The following PTPN1 variants were observed in gnomAD, a reference collection of about 807,000 sequenced individuals.
PTPN1 encodes the protein tyrosine-protein phosphatase non-receptor type 1.
Under a neutral mutation model 59.9 loss-of-function variants are expected in PTPN1, and 12 were observed. That is an observed-to-expected ratio of 0.20 (90% CI 0.13 to 0.32). The LOEUF (loss-of-function observed/expected upper bound fraction) is 0.32. Among genes scored for constraint, PTPN1 ranks in the 10% least tolerant of loss-of-function variants. The pLI, the probability that PTPN1 is intolerant of heterozygous loss-of-function variation, is 1.00. For missense variants in PTPN1, 356 were observed against 549.2 expected, an observed-to-expected ratio of 0.65 and a Z score of 3.52; for synonymous variants, 178 against 203.6, an observed-to-expected ratio of 0.87 and a Z score of 1.07.
intron 1 of PTPN1, among the ~76,000 whole-genome samples, chr20:50,511,019 C>T (rs1196916510): frequency 6.6e-6 from 1 of 152,132 alleles, no homozygotes; most frequent in African/African-American, 2.4e-5. Context: ...GTTACTCCCC[C>T]CGTCCCTCCT....
At chr20:50,525,251 A>G (rs941150597) in intron 1 of PTPN1, among the ~76,000 whole-genome samples, 16 of 152,154 alleles carry the variant, frequency 1.1e-4, no homozygotes, top group East Asian at 9.7e-4. Flanking sequence ...AATAGAGACA[A>G]TGTTTCACCA....
intron 7 of PTPN1, 34 bp from the exon 8 acceptor site, chr20:50,579,669 C>G (rs201840465): frequency 2.1e-4 from 334 of 1,572,496 alleles, no homozygotes; most frequent in Non-Finnish European, 2.9e-4. Flanking sequence ...CCGAAGTGAA[C>G]ACTAATAGGA....
Position 50,582,236 on chromosome 20 carries a change from G to A in PTPN1, c.1285-456G>A, listed in dbSNP as rs1288731398. 6.6e-6 allele frequency among the ~76,000 whole-genome samples: 1 copy of A among 152,236 alleles called. No homozygotes were observed. Among genetic ancestry groups the A allele is most frequent in the Non-Finnish European group, 1.5e-5 (1 of 68,044 alleles). ...ATCCCCATAAATGGGTGTCCTCGAGGCCTCTGCCTGGGGGTCAGAGGTCAC... is the reference window on the plus strand; with the variant it reads ...ATCCCCATAAATGGGTGTCCTCGAGACCTCTGCCTGGGGGTCAGAGGTCAC... On this transcript the variant is annotated intron_variant, in intron 9 of 9. Coordinates refer to ENST00000371621, the MANE Select transcript of PTPN1 (RefSeq NM_002827.4). This position sits in a 1 kb window ranked among gnomAD's most constrained non-coding sequence, Gnocchi z 4.2.
Position 50,532,236 on chromosome 20 carries a change from A to G in PTPN1, c.63+21646A>G, listed in dbSNP as rs143535720. Reference sequence around the variant, plus strand: ...GAGTTTGTTTTTTAAATATCCTCATATAATCTGTTTTAAATCGAGAGGCTT... The same window carrying G: ...GAGTTTGTTTTTTAAATATCCTCATGTAATCTGTTTTAAATCGAGAGGCTT... On this transcript the variant is annotated intron_variant, in intron 1 of 9. Coordinates refer to ENST00000371621, the MANE Select transcript of PTPN1 (RefSeq NM_002827.4). Among the ~76,000 whole-genome samples the G allele has an allele frequency of 4.3e-4, 65 of 152,352 alleles. No individual in the cohort carries two copies. The East Asian group carries it at 0.012, about 28-fold the overall frequency.
intron 5 of PTPN1, 91 bp downstream of exon 5, chr20:50,574,745 G>C (rs2082827740): frequency 1.4e-6 from 2 of 1,460,810 alleles, no homozygotes; most frequent in Non-Finnish European, 1.9e-6. Flanking sequence ...TAATGTCAGT[G>C]TTCCTGGCTT....
At position 50,510,487 on chromosome 20, in the gene PTPN1, A is replaced by G; in HGVS notation, c.-41A>G. ...CGCGGCCTAGAGCGGCAGACGGCGC[A>G]GTGGGCCGAGAAGGAGGCGCAGCAG... On this transcript the variant is annotated 5_prime_UTR_variant, in exon 1 of 10. Coordinates refer to ENST00000371621, the MANE Select transcript of PTPN1 (RefSeq NM_002827.4). The G allele has an allele frequency of 6.5e-7, 1 of 1,546,288 alleles. No homozygotes were observed. The highest frequency in any genetic ancestry group is 1.2e-5 in the South Asian group (1 of 83,626).
intron 1 of PTPN1, among the ~76,000 whole-genome samples, chr20:50,542,142 C>T (rs2082655887): frequency 6.6e-6 from 1 of 152,244 alleles, no homozygotes; most frequent in Non-Finnish European, 1.5e-5. Flanking sequence ...GTGGTCTTCA[C>T]TCTGAAGGTG....
intron 1 of PTPN1, among the ~76,000 whole-genome samples, chr20:50,538,104 G>A (rs1191033246): frequency 2.0e-5 from 3 of 152,084 alleles, no homozygotes; most frequent in African/African-American, 7.2e-5. Flanking sequence ...TGGTACATAG[G>A]TGGTCAGTTG....
intron 1 of PTPN1, among the ~76,000 whole-genome samples, chr20:50,525,599 AG>A (rs1478316460): frequency 7.0e-5 from 10 of 143,334 alleles, no homozygotes; most frequent in Admixed American, 5.7e-4. Flanking sequence ...ATACAGAAGT[AG>A]TCCTGGATTT....
intron 3 of PTPN1, among the ~76,000 whole-genome samples, chr20:50,567,764 T>C (rs2082785899): frequency 6.6e-6 from 1 of 152,238 alleles, no homozygotes; most frequent in Admixed American, 6.5e-5. Flanking sequence ...GGAGGCTGTC[T>C]GCCGTCAGGG....
At chr20:50,581,512 C>T (rs1601417385) in intron 9 of PTPN1, 52 bp downstream of exon 9, 1 of 1,541,974 alleles carries the variant, frequency 6.5e-7, no homozygotes, top group Non-Finnish European at 8.8e-7. Flanking sequence ...GCAGAGAGCA[C>T]TGGCCGCTAG....
In PTPN1 at chr20:50,541,599, G is replaced by A. The variant is rs148006302; in HGVS notation, c.64-19764G>A. Reference sequence around the variant, plus strand: ...AAACCAGACCCGGTCGCAGGTCATCGTAGTATGGCGTGAGCTTCCTCTCTC... The same window carrying A: ...AAACCAGACCCGGTCGCAGGTCATCATAGTATGGCGTGAGCTTCCTCTCTC... On this transcript the variant is annotated intron_variant, in intron 1 of 9. Transcript: ENST00000371621. Among the ~76,000 whole-genome samples, 6 of 152,262 alleles carry A rather than the reference G, an allele frequency of 3.9e-5. No individual in the cohort carries two copies. In the East Asian group the frequency reaches 7.7e-4, roughly 20 times the overall value.
chr20:50,518,085 G>A (rs570153493), intron 1 of PTPN1, among the ~76,000 whole-genome samples: 41 of 152,244 alleles, frequency 2.7e-4, no homozygotes, highest in African/African-American at 9.1e-4. Context: ...GTTAAGAAAC[G>A]TTTTTCGACT....
At chr20:50,563,174 C>T (rs1310003261) in intron 2 of PTPN1, 4 of 151,798 alleles carry the variant, frequency 2.6e-5, no homozygotes, top group Admixed American at 2.6e-4. Flanking sequence ...CAATCTCACT[C>T]CTCTTATCTT....
At chr20:50,557,689 G>A (rs938461429) in intron 1 of PTPN1, 1 of 152,124 alleles carries the variant, frequency 6.6e-6, no homozygotes, top group African/African-American at 2.4e-5. Flanking sequence ...TAAAGAGATG[G>A]GGTCTTACTA....
chr20:50,538,880 G>A (rs1471221036), intron 1 of PTPN1, among the ~76,000 whole-genome samples: 1 of 152,056 alleles, frequency 6.6e-6, no homozygotes, highest in Non-Finnish European at 1.5e-5. Context: ...AAAGCAATAA[G>A]CAAGATTGTT....
At chr20:50,581,218 C>G in intron 8 of PTPN1, 47 bp from the exon 9 acceptor site, 2 of 1,539,034 alleles carry the variant, frequency 1.3e-6, no homozygotes, top group Non-Finnish European at 1.8e-6. Context: ...CCTTGCCATT[C>G]ATTTTCTCCA....
At chr20:50,578,238 C>T (rs925449627) in intron 5 of PTPN1, among the ~76,000 whole-genome samples, 182 bp from the exon 6 acceptor site, 8 of 152,176 alleles carry the variant, frequency 5.3e-5, no homozygotes, top group Non-Finnish European at 1.0e-4. Context: ...CAGTGTCAAG[C>T]CCAGGGCCTG....
chr20:50,556,463 T>G (rs969648305), intron 1 of PTPN1, among the ~76,000 whole-genome samples: 4 of 152,166 alleles, frequency 2.6e-5, no homozygotes, highest in African/African-American at 9.7e-5. Flanking sequence ...GTGCTGGGAT[T>G]ACAGATGTGA....
Sources: allele counts gnomAD v4.1 joint callset (sites outside exome capture counted in the v4.1 genomes callset), GRCh38; gene constraint gnomAD v4.1.1; non-coding constraint Gnocchi (gnomAD v3.1); transcripts MANE v1.5; gene names NCBI Gene and HGNC (gene_info 2026-07-23, HGNC 2026-07-21).